The following CA5B variants were observed in gnomAD, a reference collection of about 807,000 sequenced individuals.
CA5B encodes carbonic anhydrase 5B, also known as carbonic anhydrase 5B, mitochondrial.
CA5B carries 15 observed loss-of-function variants against 23.1 expected under a neutral mutation model. The ratio of observed to expected loss-of-function variants is 0.65; its 90% CI spans 0.43 to 1.00. The LOEUF (loss-of-function observed/expected upper bound fraction) is 1.00. Among genes scored for constraint, CA5B ranks in the 50% least tolerant of loss-of-function variants. The pLI is 0.00. For missense variants in CA5B, 236 were observed against 252.2 expected, an observed-to-expected ratio of 0.94 and a Z score of 0.43; for synonymous variants, 84 against 98.5, an observed-to-expected ratio of 0.85 and a Z score of 0.87.
chrX:15,747,050 T>C lies in CA5B; in HGVS notation c.-53-2921T>C, dbSNP rs993744742. ...GTCCCCAGGCAAGAAGGGGGTCTTT[T>C]TGGGAAAGGGCTGCTATCAATTTTG... is the stretch of plus-strand genomic sequence containing the variant. On this transcript the variant is annotated intron_variant, in intron 1 of 7. Coordinates refer to ENST00000318636, the MANE Select transcript of CA5B (RefSeq NM_007220.4). Among the ~76,000 whole-genome samples, 6 of 111,793 alleles carry C rather than the reference T, an allele frequency of 5.4e-5. No homozygotes were observed. The South Asian group carries it at 2.3e-3, about 42-fold the overall frequency.
At chrX:15,767,126 A>T in intron 3 of CA5B, 1 of 826,994 alleles carries the variant, frequency 1.2e-6, no homozygotes, top group Non-Finnish European at 1.5e-6. Context: ...TCATCCATTT[A>T]CTCTGCATGC....
intron 3 of CA5B, among the ~76,000 whole-genome samples, chrX:15,766,109 A>T (rs996428563): frequency 2.0e-5 from 2 of 100,275 alleles, no homozygotes; most frequent in South Asian, 1.0e-3. Flanking sequence ...GTGAGCCGAG[A>T]TCGCGCCACT....
intron 1 of CA5B, among the ~76,000 whole-genome samples, chrX:15,739,795 GA>G (rs781720770): frequency 2.3e-3 from 257 of 111,949 alleles, no homozygotes; most frequent in Middle Eastern, 9.2e-3. Flanking sequence ...AAGTGGGTGA[GA>G]GGGGGAAGCT....
At position 15,783,749 on chromosome X, in the gene CA5B, C is replaced by A; in HGVS notation, c.*1085C>A. On this transcript the variant is annotated 3_prime_UTR_variant, in exon 8 of 8. Coordinates refer to ENST00000318636, the MANE Select transcript of CA5B (RefSeq NM_007220.4). The stretch of plus-strand genomic sequence containing the variant: ...GTGGTTGTAGTGAACCAAGATCACA[C>A]CACTGCACTCCAGCCTGGGCAACAG... 9.6e-6 allele frequency: 1 copy of A among 104,483 alleles called. No homozygotes were observed. Among genetic ancestry groups the A allele is most frequent in the Admixed American group, 1.0e-4 (1 of 9,683 alleles). The allele number at this position is 104,483 out of a possible 1,213,427, so 8.6% of individuals were successfully genotyped here. A position where few individuals can be genotyped will look rare whatever the true frequency, so the allele number is the denominator to read the frequency against.
intron 2 of CA5B, among the ~76,000 whole-genome samples, chrX:15,754,681 G>C (rs1931454309): frequency 8.9e-6 from 1 of 112,447 alleles, no homozygotes; most frequent in Non-Finnish European, 1.9e-5. Flanking sequence ...AGAAGATTTA[G>C]GCATGAGATC....
At position 15,782,565 on chromosome X, in the gene CA5B, G is replaced by A. The variant is rs757137808; in HGVS notation, c.855G>A (p.Gln285=). The change falls in exon 8 of 8, where the codon CAG becomes CAA. Residue 285 remains glutamine, a synonymous_variant. Coordinates refer to ENST00000318636, the MANE Select transcript of CA5B (RefSeq NM_007220.4). ...TGGTGGACAACTTCCGCCCCCTTCA[G>A]CCACTGATGAATCGCACTGTTCGTT... is the stretch of plus-strand genomic sequence containing the variant. ...KRMVDNFRPL[Q]PLMNRTVRSS... is the part of the protein sequence containing the mutation. 181 of 1,208,309 alleles carry A rather than the reference G, an allele frequency of 1.5e-4. No homozygotes were observed. Among genetic ancestry groups the A allele is most frequent in the Non-Finnish European group, 2.0e-4 (176 of 893,839 alleles).
At chrX:15,746,012 G>GCGT (rs1417989527) in intron 1 of CA5B, among the ~76,000 whole-genome samples, 1 of 104,216 alleles carries the variant, frequency 9.6e-6, no homozygotes, top group Non-Finnish European at 2.0e-5. Context: ...GCCACAGAAA[G>GCGT]CGTCAACTTC....
intron 2 of CA5B, among the ~76,000 whole-genome samples, chrX:15,751,125 T>C (rs760010385): frequency 8.9e-6 from 1 of 112,125 alleles, no homozygotes; most frequent in East Asian, 2.8e-4. Flanking sequence ...AGTATTATCA[T>C]TAAGGAGGAA....
chrX:15,769,527 C>T, intron 3 of CA5B: 3 of 751,196 alleles, frequency 4.0e-6, no homozygotes, highest in African/African-American at 2.3e-5. Context: ...TGCCTTTGTT[C>T]TCCTCCTCAG....
At chrX:15,752,640 G>A (rs933817782) in intron 2 of CA5B, among the ~76,000 whole-genome samples, 3 of 110,474 alleles carry the variant, frequency 2.7e-5, no homozygotes, top group Non-Finnish European at 5.7e-5. Flanking sequence ...CATGAGAATG[G>A]CGTGAACCCG....
In CA5B at chrX:15,760,635, A is replaced by G. The variant is rs147462839; in HGVS notation, c.143-3943A>G. On this transcript the variant is annotated intron_variant, in intron 2 of 7. Coordinates refer to ENST00000318636, the MANE Select transcript of CA5B (RefSeq NM_007220.4). ...AAGGCGTCGTCTTAGGGACCTAATC[A>G]CTCCAGTTCTTCCCTAGTTGTCACA... is the stretch of plus-strand genomic sequence containing the variant. Among the ~76,000 whole-genome samples the G allele has an allele frequency of 3.6e-5, 4 of 111,059 alleles. No individual in the cohort carries two copies. The East Asian group carries it at 1.1e-3, about 32-fold the overall frequency.
chrX:15,760,367 A>G lies in CA5B; in HGVS notation c.143-4211A>G, dbSNP rs149305402. Reference sequence around the variant, plus strand: ...GTGACCAAGGACCCCCTCCCCACACAGTGAGTTGGATGGTCTAACCTAGAT... The same window carrying G: ...GTGACCAAGGACCCCCTCCCCACACGGTGAGTTGGATGGTCTAACCTAGAT... On this transcript the variant is annotated intron_variant, in intron 2 of 7. Coordinates refer to ENST00000318636, the MANE Select transcript of CA5B (RefSeq NM_007220.4). Among the ~76,000 whole-genome samples the G allele has an allele frequency of 4.5e-5, 5 of 111,274 alleles. No homozygotes were observed. The East Asian group carries it at 1.4e-3, about 32-fold the overall frequency.
intron 1 of CA5B, among the ~76,000 whole-genome samples, chrX:15,741,034 C>T (rs893521297): frequency 1.8e-5 from 2 of 110,316 alleles, no homozygotes; most frequent in South Asian, 3.8e-4. Flanking sequence ...TGCACTCCAG[C>T]GTGGGTGACA....
chrX:15,749,109 C>T (rs1931302844), intron 1 of CA5B, among the ~76,000 whole-genome samples: 1 of 111,357 alleles, frequency 9.0e-6, no homozygotes, highest in South Asian at 3.7e-4. Context: ...AGACTAAACA[C>T]TTCTAAATCT....
chrX:15,752,567 T>C (rs889728764), intron 2 of CA5B, among the ~76,000 whole-genome samples: 2 of 110,480 alleles, frequency 1.8e-5, no homozygotes, highest in African/African-American at 3.3e-5. Flanking sequence ...CTACTAAAAA[T>C]ACAGAAAATT....
chrX:15,780,573 C>T (rs982439245), intron 7 of CA5B, among the ~76,000 whole-genome samples: 9 of 111,797 alleles, frequency 8.1e-5, no homozygotes, highest in African/African-American at 2.6e-4. Context: ...CACCCAGCTG[C>T]ATGGAACATT....
intron 1 of CA5B, among the ~76,000 whole-genome samples, chrX:15,746,155 C>G (rs909478258): frequency 9.5e-6 from 1 of 105,668 alleles, no homozygotes; most frequent in African/African-American, 3.5e-5. Flanking sequence ...AAGCGATTCT[C>G]TTGCCTCAGC....
chrX:15,747,523 G>A (rs1200448067), intron 1 of CA5B, among the ~76,000 whole-genome samples: 1 of 108,090 alleles, frequency 9.3e-6, no homozygotes, highest in Non-Finnish European at 1.9e-5. Flanking sequence ...CAGGAGGGGG[G>A]GTAGAAGATG....
chrX:15,755,385 T>G (rs148683361), intron 2 of CA5B, among the ~76,000 whole-genome samples: 1,802 of 111,974 alleles, frequency 0.016, 37 homozygotes, highest in African/African-American at 0.055. Context: ...GCCCTGATGA[T>G]GCTCTAACAA....
Sources: allele counts gnomAD v4.1 joint callset (sites outside exome capture counted in the v4.1 genomes callset), GRCh38; gene constraint gnomAD v4.1.1; transcripts MANE v1.5; gene names NCBI Gene and HGNC (gene_info 2026-07-23, HGNC 2026-07-21).